Variants in GALNT17 observed in about 807,000 individuals in gnomAD.
GALNT17 encodes the protein polypeptide N-acetylgalactosaminyltransferase 17, also known as UDP-GalNAc:polypeptide N-acetylgalactosaminyltransferase-like 3.
A neutral mutation model predicts 63.7 loss-of-function variants in GALNT17; 29 were observed. The observed-to-expected ratio is 0.46, with a 90% CI of 0.34 to 0.62. The LOEUF is 0.62. Ranked by LOEUF, GALNT17 falls within the 20% of genes least tolerant of loss-of-function variation. The pLI, the probability that GALNT17 is intolerant of heterozygous loss-of-function variation, is 0.01. For missense variants in GALNT17, 603 were observed against 799.6 expected (o/e 0.75, Z 2.97); for synonymous variants, 305 against 318.3 (o/e 0.96, Z 0.45).
At chr7:71,331,317 C>G (rs73358126) in intron 1 of GALNT17, among the ~76,000 whole-genome samples, 3,021 of 152,266 alleles carry the variant, frequency 0.02, 87 homozygotes, top group African/African-American at 0.069. Flanking sequence ...CCTGCCATCT[C>G]TCGCACAGGC....
chr7:71,318,211 T>G lies in GALNT17; in HGVS notation c.239-17339T>G, dbSNP rs1381249146. Among the ~76,000 whole-genome samples, 17 of 151,748 alleles carry G rather than the reference T, an allele frequency of 1.1e-4. 1 individual carries two copies. Among genetic ancestry groups the G allele is most frequent in the Admixed American group, 9.9e-4 (15 of 15,224 alleles). On this transcript the variant is annotated intron_variant, in intron 1 of 10. Coordinates refer to ENST00000333538, the MANE Select transcript of GALNT17 (RefSeq NM_022479.3). ...TAAGCCACTGTTCCCAGCCTTTGAG[T>G]TTTCAATCAGGCAGTGGGACCTCAC... is the stretch of plus-strand genomic sequence containing the variant.
At chr7:71,696,623 G>A (rs1319501899) in intron 9 of GALNT17, among the ~76,000 whole-genome samples, 2 of 152,080 alleles carry the variant, frequency 1.3e-5, no homozygotes, top group Non-Finnish European at 2.9e-5. Flanking sequence ...TTTCCTTCAA[G>A]GCTGTTAAAT....
At chr7:71,442,590 G>A (rs1205402468) in intron 5 of GALNT17, among the ~76,000 whole-genome samples, 1 of 151,984 alleles carries the variant, frequency 6.6e-6, no homozygotes, top group African/African-American at 2.4e-5. Context: ...TCCTTTTTTG[G>A]CTGCCAACAT....
chr7:71,563,812 A>T (rs933692068), intron 5 of GALNT17, among the ~76,000 whole-genome samples: 9 of 152,096 alleles, frequency 5.9e-5, no homozygotes, highest in African/African-American at 2.2e-4. Context: ...TCCTTAGCTC[A>T]AGCAGTCCTC....
At chr7:71,494,133 A>G (rs1225473531) in intron 5 of GALNT17, among the ~76,000 whole-genome samples, 1 of 151,750 alleles carries the variant, frequency 6.6e-6, no homozygotes, top group Non-Finnish European at 1.5e-5. Context: ...GGTGAAGGGG[A>G]AGCAAACTTG....
intron 6 of GALNT17, among the ~76,000 whole-genome samples, chr7:71,633,103 CAAAAAAAAAAAAA>C (rs71089970): frequency 2.8e-5 from 2 of 72,372 alleles, no homozygotes; most frequent in East Asian, 4.1e-4. Flanking sequence ...GACTCTGTCT[CAAAAAAAAAAAAA>C]AAAAAAAAAG....
chr7:71,159,844 C>T (rs1358220101), intron 1 of GALNT17, among the ~76,000 whole-genome samples: 2 of 151,234 alleles, frequency 1.3e-5, no homozygotes, highest in East Asian at 1.9e-4. Context: ...TGCAGTGGTG[C>T]GATCTTGGCT....
intron 5 of GALNT17, among the ~76,000 whole-genome samples, chr7:71,492,429 A>G (rs1788027242): frequency 6.6e-6 from 1 of 152,024 alleles, no homozygotes; most frequent in Admixed American, 6.6e-5. Flanking sequence ...ACTTACACCC[A>G]CCTTCCTGAG....
At chr7:71,144,682 G>A (rs893184728) in intron 1 of GALNT17, among the ~76,000 whole-genome samples, 10 of 152,004 alleles carry the variant, frequency 6.6e-5, no homozygotes, top group Admixed American at 5.9e-4. Context: ...CACAGAGTGA[G>A]GAGATGGGAG....
At chr7:71,421,151 A>G (rs765425954) in intron 5 of GALNT17, 46 bp downstream of exon 5, 2 of 1,602,714 alleles carry the variant, frequency 1.2e-6, no homozygotes, top group Non-Finnish European at 8.5e-7. Context: ...CCCAAATTCA[A>G]GGGTAAAAAG....
chr7:71,592,758 C>T (rs1053013623), intron 6 of GALNT17, among the ~76,000 whole-genome samples: 3 of 151,986 alleles, frequency 2.0e-5, no homozygotes, highest in African/African-American at 7.2e-5. Context: ...AAACATTTGT[C>T]CTTGAACATC....
At chr7:71,145,176 T>C (rs144306529) in intron 1 of GALNT17, among the ~76,000 whole-genome samples, 2 of 152,324 alleles carry the variant, frequency 1.3e-5, no homozygotes, top group African/African-American at 4.8e-5. Flanking sequence ...GGCCAGCCGA[T>C]GTCAGCAGTT....
In GALNT17 at chr7:71,417,719, G is replaced by A. The variant is rs368191755; in HGVS notation, c.764+1656G>A. Among the ~76,000 whole-genome samples the A allele has an allele frequency of 3.9e-5, 6 of 152,290 alleles. No individual in the cohort carries two copies. The South Asian group carries it at 6.2e-4, about 16-fold the overall frequency. On this transcript the variant is annotated intron_variant, in intron 4 of 10. Coordinates refer to ENST00000333538, the MANE Select transcript of GALNT17 (RefSeq NM_022479.3). ...TGAAAAAGATTCAGGCGAATGTTCC[G>A]TTACAGCCTCAGGCCTGGCATACCT...
intron 1 of GALNT17, among the ~76,000 whole-genome samples, chr7:71,240,779 C>T (rs1361328641): frequency 2.6e-5 from 4 of 152,004 alleles, no homozygotes; most frequent in African/African-American, 9.7e-5. Context: ...ATTCTCCTGC[C>T]TCAGCCTCCC....
intron 6 of GALNT17, among the ~76,000 whole-genome samples, chr7:71,655,028 G>C (rs1044335884): frequency 6.6e-6 from 1 of 152,082 alleles, no homozygotes; most frequent in Non-Finnish European, 1.5e-5. Context: ...GACCTCAGGT[G>C]ATCCGCCCAC....
At chr7:71,198,331 A>G (rs1011087356) in intron 1 of GALNT17, among the ~76,000 whole-genome samples, 2 of 152,174 alleles carry the variant, frequency 1.3e-5, no homozygotes, top group African/African-American at 4.8e-5. Context: ...AGCAATAACT[A>G]ACCGAAATGG....
intron 1 of GALNT17, chr7:71,300,436 A>G: frequency 2.2e-6 from 1 of 456,258 alleles, no homozygotes; most frequent in Non-Finnish European, 4.4e-6. Flanking sequence ...CACAGCTGAA[A>G]TGGCTGATCT....
intron 3 of GALNT17, among the ~76,000 whole-genome samples, chr7:71,397,003 A>C (rs945870528): frequency 6.6e-6 from 1 of 152,014 alleles, no homozygotes; most frequent in South Asian, 2.1e-4. Flanking sequence ...TAGCTCCAGT[A>C]GGTTTTTTTG....
chr7:71,394,547 C>T (rs575154905), intron 3 of GALNT17, among the ~76,000 whole-genome samples: 1 of 152,272 alleles, frequency 6.6e-6, no homozygotes, highest in African/African-American at 2.4e-5. Context: ...ATCTACCACT[C>T]AAGCCCAGAA....
Sources: gnomAD v4.1 joint callset for allele counts (sites outside exome capture counted in the v4.1 genomes callset) on GRCh38, gnomAD v4.1.1 for gene constraint, MANE v1.5 for transcripts, NCBI Gene and HGNC (gene_info 2026-07-23, HGNC 2026-07-21) for gene names.